The following CNTNAP2 variants were observed in gnomAD, a reference collection of about 807,000 sequenced individuals.
CNTNAP2 encodes contactin-associated protein-like 2.
In CNTNAP2, 98 loss-of-function variants were observed where a neutral mutation model predicts 155.2. The ratio of observed to expected loss-of-function variants is 0.63; its 90% CI spans 0.54 to 0.75. The LOEUF is 0.75. CNTNAP2 is among the 30% of genes least tolerant of loss of function. The pLI, the probability that CNTNAP2 is intolerant of heterozygous loss-of-function variation, is 0.00. For missense variants in CNTNAP2, 1,727 were observed against 1,688.1 expected (o/e 1.02, Z -0.40); for synonymous variants, 651 against 631.2 (o/e 1.03, Z -0.47).
At chr7:147,732,796 A>G (rs1230370613) in intron 13 of CNTNAP2, among the ~76,000 whole-genome samples, 1 of 152,194 alleles carries the variant, frequency 6.6e-6, no homozygotes, top group Non-Finnish European at 1.5e-5. Flanking sequence ...AGTGATGATG[A>G]GCATTTTTTC....
chr7:146,577,203 A>G (rs574945681), intron 1 of CNTNAP2, among the ~76,000 whole-genome samples: 6 of 152,284 alleles, frequency 3.9e-5, no homozygotes, highest in Admixed American at 3.9e-4. Flanking sequence ...GTTAATAAAG[A>G]TAAAAACAAA....
chr7:147,462,069 G>T (rs1798035230), intron 10 of CNTNAP2, among the ~76,000 whole-genome samples: 1 of 151,422 alleles, frequency 6.6e-6, no homozygotes, highest in Admixed American at 6.6e-5. Flanking sequence ...ACCTAATTTT[G>T]CCCACACTGC....
intron 4 of CNTNAP2, among the ~76,000 whole-genome samples, chr7:147,058,750 A>C (rs1484936297): frequency 6.6e-6 from 1 of 152,010 alleles, no homozygotes; most frequent in Non-Finnish European, 1.5e-5. Flanking sequence ...GGGACTACAG[A>C]TGTGTGCCAC....
chr7:147,666,564 T>A (rs1193359229), intron 13 of CNTNAP2, among the ~76,000 whole-genome samples: 2 of 152,250 alleles, frequency 1.3e-5, no homozygotes, highest in Admixed American at 1.3e-4. Context: ...GGTGTATTCC[T>A]TGTACTTCTT....
intron 9 of CNTNAP2, among the ~76,000 whole-genome samples, chr7:147,369,228 T>G (rs1270678403): frequency 1.3e-5 from 2 of 152,252 alleles, no homozygotes; most frequent in East Asian, 3.8e-4. Context: ...CTTCTTCTTT[T>G]GTGACTCTTT....
At chr7:146,789,395 T>A (rs1563231502) in intron 2 of CNTNAP2, among the ~76,000 whole-genome samples, 1 of 152,204 alleles carries the variant, frequency 6.6e-6, no homozygotes, top group East Asian at 1.9e-4. Context: ...TTGAGTAGAT[T>A]TTCATTCAGA....
chr7:147,832,629 T>A (rs1798570024), intron 13 of CNTNAP2, among the ~76,000 whole-genome samples: 2 of 146,418 alleles, frequency 1.4e-5, no homozygotes, highest in African/African-American at 4.9e-5. Context: ...TATATTTTTA[T>A]ATAAAGCAAT....
intron 10 of CNTNAP2, among the ~76,000 whole-genome samples, chr7:147,423,397 C>T (rs1038508712): frequency 1.3e-5 from 2 of 152,110 alleles, no homozygotes; most frequent in Admixed American, 1.3e-4. Flanking sequence ...GATGAACAGA[C>T]CTTGAATAAT....
At chr7:147,443,689 A>G (rs1479749990) in intron 10 of CNTNAP2, among the ~76,000 whole-genome samples, 1 of 152,164 alleles carries the variant, frequency 6.6e-6, no homozygotes, top group African/African-American at 2.4e-5. Context: ...GCAACATTTT[A>G]AGCATTAAAT....
chr7:146,768,794 CATATAAA>C (rs1416162242), intron 1 of CNTNAP2, among the ~76,000 whole-genome samples: 1 of 152,092 alleles, frequency 6.6e-6, no homozygotes, highest in Non-Finnish European at 1.5e-5. Flanking sequence ...CCAAATGGGT[CATATAAA>C]ACATCTATTT....
intron 20 of CNTNAP2, among the ~76,000 whole-genome samples, chr7:148,264,722 G>T (rs1796635870): frequency 6.6e-6 from 1 of 151,960 alleles, no homozygotes; most frequent in Non-Finnish European, 1.5e-5. Flanking sequence ...TTCTGAGATG[G>T]AATCTTGCTG....
chr7:146,605,551 T>G (rs1205168410), intron 1 of CNTNAP2, among the ~76,000 whole-genome samples: 1 of 152,162 alleles, frequency 6.6e-6, no homozygotes, highest in East Asian at 1.9e-4. Context: ...ATATTCAATG[T>G]AAATTCAGGA....
chr7:146,384,790 C>T (rs1405649745), intron 1 of CNTNAP2, among the ~76,000 whole-genome samples: 2 of 152,140 alleles, frequency 1.3e-5, no homozygotes, highest in Non-Finnish European at 2.9e-5. Context: ...CTTTTGTCTT[C>T]TGAAAGGCCT....
At chr7:146,311,987 A>T (rs1158990084) in intron 1 of CNTNAP2, among the ~76,000 whole-genome samples, 1 of 152,182 alleles carries the variant, frequency 6.6e-6, no homozygotes, top group Non-Finnish European at 1.5e-5. Context: ...AAGTCTGGTT[A>T]GTATTATCTG....
intron 1 of CNTNAP2, among the ~76,000 whole-genome samples, chr7:146,374,425 A>G (rs1343768190): frequency 6.6e-6 from 1 of 152,212 alleles, no homozygotes; most frequent in Non-Finnish European, 1.5e-5. Flanking sequence ...TTACATAAAT[A>G]TGCTACAAAA....
intron 8 of CNTNAP2, among the ~76,000 whole-genome samples, chr7:147,230,423 A>G (rs1172545409): frequency 1.3e-5 from 2 of 151,778 alleles, no homozygotes; most frequent in East Asian, 3.9e-4. Flanking sequence ...ATGCTGGGCT[A>G]ATTTGTGTAT....
At chr7:147,006,641 TA>T (rs767817159) in intron 3 of CNTNAP2, among the ~76,000 whole-genome samples, 8 of 152,120 alleles carry the variant, frequency 5.3e-5, no homozygotes, top group Admixed American at 2.6e-4. Flanking sequence ...TTCTCTAAAC[TA>T]AATCTTTTCT....
chr7:148,127,797 T>G (rs965628794), intron 16 of CNTNAP2, among the ~76,000 whole-genome samples: 8 of 152,182 alleles, frequency 5.3e-5, no homozygotes, highest in Non-Finnish European at 1.2e-4. Flanking sequence ...GGGGTGTTAT[T>G]TAGGATGTTT....
At chr7:148,111,537 G>GAA (rs71834229) in intron 15 of CNTNAP2, among the ~76,000 whole-genome samples, 1,637 of 145,766 alleles carry the variant, frequency 0.011, 19 homozygotes, top group South Asian at 0.043. Context: ...AACAAAATTA[G>GAA]AAAAAAAAAA....
Sources: gnomAD v4.1 joint callset for allele counts (sites outside exome capture counted in the v4.1 genomes callset) on GRCh38, gnomAD v4.1.1 for gene constraint, MANE v1.5 for transcripts, NCBI Gene and HGNC (gene_info 2026-07-23, HGNC 2026-07-21) for gene names.